PCDHA4: variants seen among roughly 807,000 people sequenced by gnomAD.
PCDHA4 encodes protocadherin alpha-4.
In PCDHA4, 49 loss-of-function variants were observed where a neutral mutation model predicts 61.4. The ratio of observed to expected loss-of-function variants is 0.80; its 90% CI spans 0.63 to 1.01. PCDHA4 has a LOEUF of 1.01. Among genes scored for constraint, PCDHA4 ranks in the 50% least tolerant of loss-of-function variants. PCDHA4 has a pLI of 0.00. For missense variants in PCDHA4, 1,254 were observed against 1,235.8 expected, an observed-to-expected ratio of 1.01 and a Z score of -0.22; for synonymous variants, 590 against 550.3, an observed-to-expected ratio of 1.07 and a Z score of -1.01.
At chr5:140,888,983 T>C (rs193278447) in intron 1 of PCDHA4, among the ~76,000 whole-genome samples, 22 of 152,266 alleles carry the variant, frequency 1.4e-4, no homozygotes, top group African/African-American at 5.1e-4. Flanking sequence ...AATTTATGAT[T>C]TATGATTTTC....
chr5:140,877,094 G>C, intron 1 of PCDHA4: 1 of 1,613,310 alleles, frequency 6.2e-7, no homozygotes, highest in Non-Finnish European at 8.5e-7. Flanking sequence ...CGCGACGCCG[G>C]CGTGCCGCCT....
chr5:140,823,576 G>T (rs2150127070), intron 1 of PCDHA4: 2 of 1,613,976 alleles, frequency 1.2e-6, no homozygotes, highest in Non-Finnish European at 1.7e-6. Context: ...CCCTGATTCG[G>T]GCTACAACGC....
rs782363831 is a variant in PCDHA4 at position 140,808,815 on chromosome 5, C to A, written c.1628C>A (p.Pro543Gln). The A allele has an allele frequency of 3.1e-6, 5 of 1,612,850 alleles. No homozygotes were observed. The highest frequency in any genetic ancestry group is 1.8e-4 in the Middle Eastern group (1 of 5,522). The change falls in exon 1 of 4, where the codon CCA (proline) becomes CAA (glutamine). Residue 543 changes from proline to glutamine, a missense_variant. Coordinates refer to ENST00000530339, the MANE Select transcript of PCDHA4 (RefSeq NM_018907.4). ...GTGACCGCTCGCGATGCCGGCGTGC[C>A]ACCTCTGGGCAGCAACGTGACGCTG... ...FQVTARDAGV[P>Q]PLGSNVTLQV...
At chr5:140,842,107 C>CA (rs1468350486) in intron 1 of PCDHA4, 1 of 1,613,738 alleles carries the variant, frequency 6.2e-7, no homozygotes, top group Non-Finnish European at 8.5e-7. Context: ...CAACAGTTAT[C>CA]AAACTGAATG....
intron 1 of PCDHA4, chr5:140,827,950 A>T: frequency 7.9e-7 from 1 of 1,270,912 alleles, no homozygotes; most frequent in Non-Finnish European, 1.1e-6. Context: ...CCAACATTCA[A>T]ATTTCTTCTA....
intron 1 of PCDHA4, chr5:140,876,573 C>G: frequency 1.9e-6 from 3 of 1,614,152 alleles, no homozygotes; most frequent in African/African-American, 1.3e-5. Flanking sequence ...AGGTGGGTAC[C>G]GTCATTGCCC....
Position 140,809,015 on chromosome 5 carries a change from G to A in PCDHA4, c.1828G>A (p.Glu610Lys), listed in dbSNP as rs1764332857. 9 of 1,613,708 alleles carry A rather than the reference G, an allele frequency of 5.6e-6. No homozygotes were observed. The highest frequency in any genetic ancestry group is 2.2e-5 in the East Asian group (1 of 44,854). The stretch of plus-strand genomic sequence containing the variant: ...GGGCTACAACGCGTGGCTTTCGTAC[G>A]AGCTGCAGCCGGGGACTGGTGGCGC... The part of the protein sequence containing the change: ...DSGYNAWLSY[E>K]LQPGTGGARI... The change falls in exon 1 of 4, where the codon GAG (glutamate) becomes AAG (lysine). Residue 610 changes from glutamate to lysine, a missense_variant. Transcript: ENST00000530339.
intron 1 of PCDHA4, chr5:140,876,038 G>A (rs2153335869): frequency 6.2e-7 from 1 of 1,613,822 alleles, no homozygotes; most frequent in East Asian, 2.2e-5. Context: ...AAAGATAAAA[G>A]TATATTGCCT....
chr5:140,822,005 A>G (rs2150112895), intron 1 of PCDHA4: 13 of 1,614,110 alleles, frequency 8.1e-6, no homozygotes, highest in Non-Finnish European at 1.1e-5. Flanking sequence ...CTGGAGGTAA[A>G]TCTGCAGAAT....
At chr5:140,967,588 A>G (rs782208520) in intron 1 of PCDHA4, 7 of 1,614,116 alleles carry the variant, frequency 4.3e-6, no homozygotes, top group Non-Finnish European at 5.1e-6. Flanking sequence ...CCCCAGGCAC[A>G]TTGGTGGTGA....
At chr5:140,821,880 G>A (rs2150111608) in intron 1 of PCDHA4, 4 of 1,614,104 alleles carry the variant, frequency 2.5e-6, no homozygotes, top group Non-Finnish European at 3.4e-6. Flanking sequence ...ACTCGATCCC[G>A]GAGGAAGCCA....
At chr5:140,871,265 G>C in intron 1 of PCDHA4, 1 of 1,613,978 alleles carries the variant, frequency 6.2e-7, no homozygotes, top group South Asian at 1.1e-5. Flanking sequence ...ACGGCGCTGT[G>C]GTGGTCGGCA....
chr5:140,967,633 T>G, intron 1 of PCDHA4: 2 of 1,614,106 alleles, frequency 1.2e-6, no homozygotes, highest in Non-Finnish European at 1.7e-6. Flanking sequence ...AGGGCTCCAA[T>G]GGTGAGCTCA....
At chr5:140,843,068 C>G in intron 1 of PCDHA4, 1 of 1,595,216 alleles carries the variant, frequency 6.3e-7, no homozygotes, top group East Asian at 2.2e-5. Context: ...GCTGGTGCCG[C>G]GGTCTGTGGG....
At chr5:140,870,570 G>A in intron 1 of PCDHA4, 1 of 1,613,972 alleles carries the variant, frequency 6.2e-7, no homozygotes, top group Non-Finnish European at 8.5e-7. Flanking sequence ...ACGCGCTGGT[G>A]TCCTACTCGC....
chr5:141,007,037 T>C (rs1413139986), intron 3 of PCDHA4, among the ~76,000 whole-genome samples: 1 of 152,170 alleles, frequency 6.6e-6, no homozygotes, highest in Non-Finnish European at 1.5e-5. Flanking sequence ...TTTATATCTA[T>C]GGATATGGCT....
chr5:140,952,712 C>A (rs567610262), intron 1 of PCDHA4, among the ~76,000 whole-genome samples: 3 of 152,298 alleles, frequency 2.0e-5, no homozygotes, highest in Middle Eastern at 3.4e-3. Context: ...CTCTCAGTAT[C>A]AATTTTCTGT....
chr5:140,879,012 T>C (rs2057811303), intron 1 of PCDHA4, among the ~76,000 whole-genome samples: 1 of 152,236 alleles, frequency 6.6e-6, no homozygotes, highest in African/African-American at 2.4e-5. Flanking sequence ...AGAAATCAGA[T>C]AATGTTTTAT....
chr5:140,843,295 G>A lies in PCDHA4; in HGVS notation c.2385+33723G>A, dbSNP rs2150356733. On this transcript the variant is annotated intron_variant, in intron 1 of 3. Transcript: ENST00000530339. ...TGGTGAAGGATCATGGTGAACCTGC[G>A]CTGACCGCCACGGCCACGGTTCTGG... is the stretch of plus-strand genomic sequence containing the variant. 8.4e-5 allele frequency: 134 copies of A among 1,595,834 alleles called. 14 individuals are homozygous for A. In the Admixed American group the frequency reaches 2.2e-3, roughly 27 times the overall value.
Sources: gnomAD v4.1 joint callset for allele counts (sites outside exome capture counted in the v4.1 genomes callset) on GRCh38, gnomAD v4.1.1 for gene constraint, MANE v1.5 for transcripts, NCBI Gene and HGNC (gene_info 2026-07-23, HGNC 2026-07-21) for gene names.